SLC9A3: variants seen among roughly 807,000 people sequenced by gnomAD.
The protein encoded by SLC9A3 is solute carrier family 9 member A3.
SLC9A3 carries 37 observed loss-of-function variants against 86.8 expected under a neutral mutation model. The observed-to-expected ratio is 0.43, with a 90% CI of 0.33 to 0.56. SLC9A3 has a LOEUF of 0.56. Ranked by LOEUF, SLC9A3 falls within the 20% of genes least tolerant of loss-of-function variation. SLC9A3 has a pLI of 0.06. For missense variants in SLC9A3, 1,011 were observed against 1,171.9 expected (o/e 0.86, Z 2.00); for synonymous variants, 581 against 528.3 (o/e 1.10, Z -1.37).
At position 472,342 on chromosome 5, in the gene SLC9A3, G is replaced by A. The variant is rs1738405772; in HGVS notation, c.*1037C>T. On this transcript the variant is annotated 3_prime_UTR_variant, in exon 17 of 17. Coordinates refer to ENST00000264938, the MANE Select transcript of SLC9A3 (RefSeq NM_004174.4). ...CTTGGAGGGCCTGAGCCTGGTAGGG[G>A]GGCGGTGCCCTGGGCCCCTCCATGC... 3.0e-6 allele frequency: 1 copy of A among 335,504 alleles called. No individual in the cohort carries two copies. The highest frequency in any genetic ancestry group is 8.4e-5 in the East Asian group (1 of 11,966). The allele number at this position is 335,504 out of a possible 1,614,324, so 20.8% of individuals were successfully genotyped here.
chr5:507,329 A>G (rs7380218), intron 1 of SLC9A3, among the ~76,000 whole-genome samples: 126,301 of 146,394 alleles, frequency 0.86, 54,693 homozygotes, highest in Middle Eastern at 0.89. Flanking sequence ...CACCACGCCC[A>G]GCTAATTTTT....
At chr5:476,460 C>T (rs1347318204) in intron 12 of SLC9A3, 82 bp from the exon 13 acceptor site, 5 of 1,601,692 alleles carry the variant, frequency 3.1e-6, no homozygotes, top group Admixed American at 3.3e-5. Flanking sequence ...GAGCACGGAT[C>T]CCCCGTGGTC....
intron 2 of SLC9A3, among the ~76,000 whole-genome samples, chr5:489,414 G>A (rs1485685037): frequency 6.6e-5 from 10 of 152,184 alleles, no homozygotes; most frequent in Non-Finnish European, 2.9e-5. Flanking sequence ...GCTGAGGCTC[G>A]GGCTGAGGAG....
chr5:513,553 G>A (rs532950334), intron 1 of SLC9A3, among the ~76,000 whole-genome samples: 1 of 152,244 alleles, frequency 6.6e-6, no homozygotes, highest in East Asian at 1.9e-4. Context: ...GCAGGGCAGA[G>A]AACGCGTCAG....
At chr5:507,074 C>CAAAA (rs754428552) in intron 1 of SLC9A3, among the ~76,000 whole-genome samples, 1 of 78,152 alleles carries the variant, frequency 1.3e-5, no homozygotes, top group Admixed American at 1.5e-4. Context: ...GATACTGTCT[C>CAAAA]AAAAAATAAA....
chr5:472,486 C>T lies in SLC9A3; in HGVS notation c.*893G>A, dbSNP rs1326049821. On this transcript the variant is annotated 3_prime_UTR_variant, in exon 17 of 17. Coordinates refer to ENST00000264938, the MANE Select transcript of SLC9A3 (RefSeq NM_004174.4). The stretch of plus-strand genomic sequence containing the variant: ...CACCTCTCACCCAGCCAGGGCACCC[C>T]GGGCGACCTCCGCGCCAGGTGCGAC... The T allele has an allele frequency of 1.2e-5, 4 of 335,346 alleles. No homozygotes were observed. The highest frequency in any genetic ancestry group is 4.2e-5 in the South Asian group (2 of 47,178). 20.8% of individuals were successfully genotyped at this position (335,346 alleles called of 1,614,324 possible).
chr5:492,520 T>A lies in SLC9A3; in HGVS notation c.212-449A>T, dbSNP rs533644206. Among the ~76,000 whole-genome samples, 574 of 151,754 alleles carry A rather than the reference T, an allele frequency of 3.8e-3. 2 individuals carry two copies. Among genetic ancestry groups the A allele is most frequent in the Middle Eastern group, 0.017 (5 of 294 alleles). The stretch of plus-strand genomic sequence containing the variant: ...CTCAGAGCTGCAGGCATCTAAGACC[T>A]CCCCCGACTTTTCAGGGAGCCCAAG... On this transcript the variant is annotated intron_variant, in intron 1 of 16. Coordinates refer to ENST00000264938, the MANE Select transcript of SLC9A3 (RefSeq NM_004174.4).
chr5:484,506 T>G lies in SLC9A3; in HGVS notation c.932+14A>C. The G allele has an allele frequency of 6.2e-7, 1 of 1,610,738 alleles. No individual in the cohort carries two copies. Among genetic ancestry groups the G allele is most frequent in the Non-Finnish European group, 8.5e-7 (1 of 1,179,130 alleles). ...GAGGGCGTGGAGAAGCTCGCGTGTG[T>G]GGGAGGGACTCACGCGAGGATGGCC... On this transcript the variant is annotated intron_variant, in intron 5 of 16. Transcript: ENST00000264938.
chr5:518,999 G>A (rs1733810383), intron 1 of SLC9A3, among the ~76,000 whole-genome samples: 1 of 152,108 alleles, frequency 6.6e-6, no homozygotes, highest in Non-Finnish European at 1.5e-5. Flanking sequence ...GATTCTCCCG[G>A]GCGACACCTT....
chr5:485,015 GGACGT>G, intron 4 of SLC9A3, 133 bp downstream of exon 4: 1 of 711,486 alleles, frequency 1.4e-6, no homozygotes, highest in Non-Finnish European at 2.5e-6. Flanking sequence ...CTCTGGACGG[GGACGT>G]GACGTGGACA....
rs756256218 is a variant in SLC9A3 at position 471,392 on chromosome 5, C to G, written c.*1987G>C. The G allele has an allele frequency of 7.0e-6, 2 of 284,790 alleles. No individual in the cohort carries two copies. Among genetic ancestry groups the G allele is most frequent in the Non-Finnish European group, 1.4e-5 (2 of 145,148 alleles). The allele number at this position is 284,790 out of a possible 1,614,324, so 17.6% of individuals were successfully genotyped here. A position where few individuals can be genotyped will look rare whatever the true frequency, so the allele number is the denominator to read the frequency against. ...AATCGCCATGCATTGCGCGGTGGAC[C>G]GCACGACGCTCCTGCTCTGTTCTCC... On this transcript the variant is annotated 3_prime_UTR_variant, in exon 17 of 17. Coordinates refer to ENST00000264938, the MANE Select transcript of SLC9A3 (RefSeq NM_004174.4).
intron 5 of SLC9A3, 117 bp from the exon 6 acceptor site, chr5:483,599 T>TA (rs1245368924): frequency 4.0e-6 from 3 of 744,828 alleles, no homozygotes; most frequent in Non-Finnish European, 6.8e-6. Flanking sequence ...GTTGTGTGGT[T>TA]ACGGGGGCCT....
At chr5:517,275 A>ATCCG (rs905609642) in intron 1 of SLC9A3, among the ~76,000 whole-genome samples, 3 of 149,450 alleles carry the variant, frequency 2.0e-5, no homozygotes, top group African/African-American at 7.4e-5. Flanking sequence ...TCATCCATCC[A>ATCCG]TTCACTCATC....
Position 472,809 on chromosome 5 carries a change from GAGTC to G in SLC9A3, c.*566_*569del. Reference sequence around the variant, plus strand: ...TCGGGAGGTCCCTGAGTCGGTCCCCGAGTCAGTCCCCGGGCGCGGGGCTCGGTTG... The same window carrying G: ...TCGGGAGGTCCCTGAGTCGGTCCCCGAGTCCCCGGGCGCGGGGCTCGGTTG... On this transcript the variant is annotated 3_prime_UTR_variant, in exon 17 of 17. Coordinates refer to ENST00000264938, the MANE Select transcript of SLC9A3 (RefSeq NM_004174.4). The G allele has an allele frequency of 1.8e-6, 1 of 567,126 alleles. No individual in the cohort carries two copies. The highest frequency in any genetic ancestry group is 3.3e-6 in the Non-Finnish European group (1 of 299,722). The allele number at this position is 567,126 out of a possible 1,614,324, so 35.1% of individuals were successfully genotyped here. A position where few individuals can be genotyped will look rare whatever the true frequency, so the allele number is the denominator to read the frequency against.
At chr5:502,470 C>T (rs61523969) in intron 1 of SLC9A3, among the ~76,000 whole-genome samples, 7,964 of 152,284 alleles carry the variant, frequency 0.052, 226 homozygotes, top group East Asian at 0.11. Flanking sequence ...TACCAGGGGC[C>T]GCAGCGGAGC....
At chr5:509,807 C>T (rs1161561569) in intron 1 of SLC9A3, among the ~76,000 whole-genome samples, 1 of 152,122 alleles carries the variant, frequency 6.6e-6, no homozygotes, top group African/African-American at 2.4e-5. Flanking sequence ...CTCCGTGTCT[C>T]GCATGGATGC....
intron 1 of SLC9A3, among the ~76,000 whole-genome samples, chr5:513,097 G>C (rs1362931725): frequency 1.3e-5 from 2 of 152,166 alleles, no homozygotes; most frequent in African/African-American, 4.8e-5. Flanking sequence ...CTGGGCACCA[G>C]GAGGGTGAGG....
At chr5:498,551 G>A (rs182747858) in intron 1 of SLC9A3, among the ~76,000 whole-genome samples, 29 of 152,286 alleles carry the variant, frequency 1.9e-4, no homozygotes, top group East Asian at 7.7e-4. Context: ...ACAGGCGTGC[G>A]CCACCATGCC....
intron 10 of SLC9A3, among the ~76,000 whole-genome samples, 173 bp from the exon 11 acceptor site, chr5:477,617 G>A (rs1047506111): frequency 2.4e-4 from 36 of 152,344 alleles, no homozygotes; most frequent in Non-Finnish European, 4.1e-4. Context: ...GCCAAAACCA[G>A]GAGATCAGAT....
Sources: allele counts gnomAD v4.1 joint callset (sites outside exome capture counted in the v4.1 genomes callset), GRCh38; gene constraint gnomAD v4.1.1; transcripts MANE v1.5; gene names NCBI Gene and HGNC (gene_info 2026-07-23, HGNC 2026-07-21).